Variants in SLC8A1 observed in about 807,000 individuals in gnomAD.
The protein encoded by SLC8A1 is sodium/calcium exchanger 1.
SLC8A1 carries 18 observed loss-of-function variants against 68.3 expected under a neutral mutation model. That is an observed-to-expected ratio of 0.26 (90% confidence interval 0.18 to 0.39). The LOEUF (loss-of-function observed/expected upper bound fraction) is 0.39. Among genes scored for constraint, SLC8A1 ranks in the 10% least tolerant of loss-of-function variants. SLC8A1 has a pLI of 1.00. For synonymous variants in SLC8A1, 475 were observed against 415.5 expected (o/e 1.14, Z -1.74); for missense variants, 985 against 1,156.7 (o/e 0.85, Z 2.15).
At chr2:40,203,563 A>G (rs2054815737) in intron 2 of SLC8A1, among the ~76,000 whole-genome samples, 1 of 152,080 alleles carries the variant, frequency 6.6e-6, no homozygotes, top group African/African-American at 2.4e-5. Flanking sequence ...AAATGCAAGA[A>G]TAGCTTAGAG....
chr2:40,232,755 C>CCA (rs1553436145), intron 2 of SLC8A1, among the ~76,000 whole-genome samples: 2 of 102,076 alleles, frequency 2.0e-5, no homozygotes, highest in Admixed American at 2.0e-4. Flanking sequence ...CCCCCCCCGC[C>CCA]ACCCCACAAC....
chr2:40,242,974 C>T (rs921129083), intron 2 of SLC8A1, among the ~76,000 whole-genome samples: 1 of 152,192 alleles, frequency 6.6e-6, no homozygotes, highest in East Asian at 1.9e-4. Flanking sequence ...AATCTGAGAT[C>T]ATTGCAGAGA....
At chr2:40,473,021 AC>A (rs1409693366) in intron 1 of SLC8A1, among the ~76,000 whole-genome samples, 2 of 141,366 alleles carry the variant, frequency 1.4e-5, no homozygotes, top group African/African-American at 5.4e-5. Flanking sequence ...CAGGAGGGTA[AC>A]CTGAGAGCAG....
intron 1 of SLC8A1, among the ~76,000 whole-genome samples, chr2:40,484,380 C>T (rs968566130): frequency 3.3e-5 from 5 of 152,232 alleles, no homozygotes; most frequent in Non-Finnish European, 7.3e-5. Context: ...TGGATGTGAT[C>T]TGACTGCCTG....
At chr2:40,153,143 A>AAATT (rs1248785326) in intron 6 of SLC8A1, among the ~76,000 whole-genome samples, 1 of 152,216 alleles carries the variant, frequency 6.6e-6, no homozygotes, top group East Asian at 1.9e-4. Context: ...CTGTGAAGTA[A>AAATT]AATTAGTAGT....
At chr2:40,334,640 G>C (rs779875426) in intron 2 of SLC8A1, among the ~76,000 whole-genome samples, 1 of 152,112 alleles carries the variant, frequency 6.6e-6, no homozygotes, top group Non-Finnish European at 1.5e-5. Context: ...AAAATGTCCT[G>C]AAAACATTTT....
chr2:40,502,410 G>C (rs927931007), intron 1 of SLC8A1, among the ~76,000 whole-genome samples: 12 of 152,012 alleles, frequency 7.9e-5, no homozygotes, highest in Non-Finnish European at 1.6e-4. Context: ...GGTAAGGGCT[G>C]TGTCTTAGTC....
chr2:40,335,849 A>G (rs886767967), intron 2 of SLC8A1, among the ~76,000 whole-genome samples: 5 of 152,244 alleles, frequency 3.3e-5, no homozygotes, highest in Admixed American at 3.3e-4. Context: ...TCCAATTTAT[A>G]TCAGTGGAAT....
At chr2:40,307,880 T>C (rs978671835) in intron 2 of SLC8A1, among the ~76,000 whole-genome samples, 2 of 152,174 alleles carry the variant, frequency 1.3e-5, no homozygotes, top group African/African-American at 4.8e-5. Context: ...GAAGCACTGA[T>C]TTTTGATCAT....
At chr2:40,227,341 G>A (rs574431944) in intron 2 of SLC8A1, among the ~76,000 whole-genome samples, 3 of 152,098 alleles carry the variant, frequency 2.0e-5, no homozygotes, top group South Asian at 2.1e-4. Flanking sequence ...ACCACACTCT[G>A]TGATCTCACA....
Position 40,121,779 on chromosome 2 carries a change from T to C in SLC8A1, c.2438-6150A>G, listed in dbSNP as rs187201021. 9.2e-5 allele frequency among the ~76,000 whole-genome samples: 14 copies of C among 152,312 alleles called. No individual in the cohort carries two copies. In the East Asian group the frequency reaches 2.5e-3, roughly 27 times the overall value. ...ATACATGGTAGGGAATTCTGACTATTGCCAATGATTCTATACTTTTAAGGA... is the reference window on the plus strand; with the variant it reads ...ATACATGGTAGGGAATTCTGACTATCGCCAATGATTCTATACTTTTAAGGA... On this transcript the variant is annotated intron_variant, in intron 7 of 7. Transcript: ENST00000406785.
chr2:40,127,794 T>C (rs544993489), intron 7 of SLC8A1, among the ~76,000 whole-genome samples: 2 of 152,138 alleles, frequency 1.3e-5, no homozygotes, highest in Non-Finnish European at 2.9e-5. Flanking sequence ...AGAAAACAAA[T>C]ACAACACATA....
At chr2:40,298,029 A>G (rs2070747714) in intron 2 of SLC8A1, among the ~76,000 whole-genome samples, 3 of 152,178 alleles carry the variant, frequency 2.0e-5, no homozygotes, top group African/African-American at 7.2e-5. Flanking sequence ...ACAGGTGTGC[A>G]CCACCACTCC....
At chr2:40,464,537 G>C (rs1482853675) in intron 1 of SLC8A1, among the ~76,000 whole-genome samples, 1 of 152,214 alleles carries the variant, frequency 6.6e-6, no homozygotes, top group Non-Finnish European at 1.5e-5. Flanking sequence ...TGTAAGAAGG[G>C]GAGACTGGCA....
intron 2 of SLC8A1, among the ~76,000 whole-genome samples, chr2:40,290,153 C>T (rs530497522): frequency 1.3e-5 from 2 of 151,472 alleles, no homozygotes; most frequent in Non-Finnish European, 2.9e-5. Flanking sequence ...TCCATTAAGT[C>T]AAGGAGACCC....
At chr2:40,127,172 A>G (rs1417074202) in intron 7 of SLC8A1, among the ~76,000 whole-genome samples, 6 of 152,148 alleles carry the variant, frequency 3.9e-5, no homozygotes, top group Non-Finnish European at 8.8e-5. Context: ...CATTGTGAAT[A>G]TTTCTTGTCA....
intron 6 of SLC8A1, 76 bp from the exon 10 acceptor site, chr2:40,139,752 C>T (rs952136167): frequency 6.7e-7 from 1 of 1,500,506 alleles, no homozygotes; most frequent in African/African-American, 1.4e-5. Flanking sequence ...TCTCTCCTAT[C>T]TAGGTCGGTC....
intron 1 of SLC8A1, among the ~76,000 whole-genome samples, chr2:40,511,454 A>C (rs1363962347): frequency 6.6e-6 from 1 of 152,186 alleles, no homozygotes; most frequent in Admixed American, 6.5e-5. Context: ...TCGCATTTCA[A>C]AATGCAATTG....
chr2:40,341,064 T>G (rs780888302), intron 2 of SLC8A1, among the ~76,000 whole-genome samples: 1 of 151,904 alleles, frequency 6.6e-6, no homozygotes, highest in Non-Finnish European at 1.5e-5. Context: ...AGGAATGGAG[T>G]AGTAGAGAGA....
Sources: gnomAD v4.1 joint callset for allele counts (sites outside exome capture counted in the v4.1 genomes callset) on GRCh38, gnomAD v4.1.1 for gene constraint, MANE v1.5 for transcripts, NCBI Gene and HGNC (gene_info 2026-07-23, HGNC 2026-07-21) for gene names.